KCNN2: variants seen among roughly 807,000 people sequenced by gnomAD.
The protein encoded by KCNN2 is small conductance calcium-activated potassium channel protein 2.
A neutral mutation model predicts 55.5 loss-of-function variants in KCNN2; 24 were observed. The ratio of observed to expected loss-of-function variants is 0.43; its 90% CI spans 0.31 to 0.61. The LOEUF is 0.61. KCNN2 is among the 20% of genes least tolerant of loss of function. KCNN2 has a pLI of 0.08. For synonymous variants in KCNN2, 431 were observed against 336.1 expected, an observed-to-expected ratio of 1.28 and a Z score of -3.09; for missense variants, 754 against 853.6, an observed-to-expected ratio of 0.88 and a Z score of 1.45.
chr5:114,306,407 C>T (rs1756272401), intron 2 of KCNN2, among the ~76,000 whole-genome samples: 1 of 152,196 alleles, frequency 6.6e-6, no homozygotes, highest in African/African-American at 2.4e-5. Context: ...GGTAGTGATA[C>T]TAATCTCTGC....
chr5:114,489,045 A>G (rs919731320), intron 6 of KCNN2: 1 of 152,128 alleles, frequency 6.6e-6, no homozygotes, highest in Non-Finnish European at 1.5e-5. Context: ...TCAAATGGGT[A>G]ATTACATGTG....
At chr5:114,192,169 CA>C (rs1333277194) in intron 1 of KCNN2, among the ~76,000 whole-genome samples, 1 of 152,182 alleles carries the variant, frequency 6.6e-6, no homozygotes, top group Non-Finnish European at 1.5e-5. Flanking sequence ...CCATTTTTGA[CA>C]AATTCTATTA....
At chr5:114,403,119 T>G (rs543564730) in intron 2 of KCNN2, among the ~76,000 whole-genome samples, 1 of 152,304 alleles carries the variant, frequency 6.6e-6, no homozygotes, top group Non-Finnish European at 1.5e-5. Context: ...TGGAAAGTAT[T>G]TATCCTGAGT....
intron 2 of KCNN2, among the ~76,000 whole-genome samples, chr5:114,336,708 T>G (rs1319394737): frequency 6.6e-6 from 1 of 152,198 alleles, no homozygotes; most frequent in African/African-American, 2.4e-5. Flanking sequence ...AACAAATGCC[T>G]CTTTGAGAAT....
chr5:114,212,544 G>C (rs1393731527), intron 1 of KCNN2, among the ~76,000 whole-genome samples: 1 of 151,886 alleles, frequency 6.6e-6, no homozygotes, highest in Non-Finnish European at 1.5e-5. Flanking sequence ...CAATAAAGCT[G>C]TTATAAAAAG....
chr5:114,266,839 C>G (rs1223641631), intron 2 of KCNN2, among the ~76,000 whole-genome samples: 3 of 152,180 alleles, frequency 2.0e-5, no homozygotes, highest in Non-Finnish European at 4.4e-5. Flanking sequence ...CCACCAGCAT[C>G]TCCTTGTAAA....
At chr5:114,298,774 A>G (rs1305839848) in intron 2 of KCNN2, among the ~76,000 whole-genome samples, 1 of 152,186 alleles carries the variant, frequency 6.6e-6, no homozygotes, top group Admixed American at 6.5e-5. Flanking sequence ...TTTATAAACA[A>G]AAATGTAAAC....
intron 5 of KCNN2, among the ~76,000 whole-genome samples, chr5:114,477,381 C>T (rs1762019403): frequency 6.6e-6 from 1 of 152,068 alleles, no homozygotes; most frequent in South Asian, 2.1e-4. Flanking sequence ...AGTTGTTTCT[C>T]TGTATGACTA....
intron 3 of KCNN2, among the ~76,000 whole-genome samples, chr5:114,427,106 A>T (rs1456707442): frequency 6.6e-6 from 1 of 151,988 alleles, no homozygotes; most frequent in Non-Finnish European, 1.5e-5. Context: ...CTGCCACAGC[A>T]CTCACCATGT....
chr5:114,208,583 G>A (rs562616234), intron 1 of KCNN2, among the ~76,000 whole-genome samples: 1 of 152,188 alleles, frequency 6.6e-6, no homozygotes, highest in East Asian at 1.9e-4. Flanking sequence ...GCTTTTATAC[G>A]AAGCTGACAC....
At chr5:114,230,231 A>G (rs973075410) in intron 2 of KCNN2, among the ~76,000 whole-genome samples, 1 of 151,576 alleles carries the variant, frequency 6.6e-6, no homozygotes, top group African/African-American at 2.4e-5. Flanking sequence ...CATTTCTGAG[A>G]TACTGACAAT....
chr5:114,277,758 T>C (rs3112751), intron 2 of KCNN2, among the ~76,000 whole-genome samples: 61,836 of 152,052 alleles, frequency 0.41, 13,569 homozygotes, highest in Non-Finnish European at 0.5. Flanking sequence ...TCAAGGTTTT[T>C]AGCTGCCTTG....
intron 1 of KCNN2, among the ~76,000 whole-genome samples, chr5:114,162,407 C>T (rs1451922328): frequency 6.6e-6 from 1 of 152,194 alleles, no homozygotes; most frequent in Non-Finnish European, 1.5e-5. Context: ...TGTCAGTCCG[C>T]CCCTACTGGG....
intron 1 of KCNN2, among the ~76,000 whole-genome samples, chr5:114,106,885 C>T (rs1472170274): frequency 6.6e-6 from 1 of 151,914 alleles, no homozygotes; most frequent in Admixed American, 6.6e-5. Flanking sequence ...TAATGAGGTC[C>T]AAGTTATCAA....
intron 1 of KCNN2, among the ~76,000 whole-genome samples, chr5:114,194,318 C>A (rs1429961949): frequency 6.6e-6 from 1 of 152,076 alleles, no homozygotes; most frequent in African/African-American, 2.4e-5. Context: ...TTCCCACCAG[C>A]AATGTATAAA....
At chr5:114,286,586 G>T (rs1280284251) in intron 2 of KCNN2, among the ~76,000 whole-genome samples, 1 of 152,146 alleles carries the variant, frequency 6.6e-6, no homozygotes, top group Non-Finnish European at 1.5e-5. Flanking sequence ...CACATTTTAT[G>T]TATATCATAA....
chr5:114,063,756 T>A lies in KCNN2; in HGVS notation c.-271+7256T>A, dbSNP rs1289104105. Among the ~76,000 whole-genome samples, 5 of 152,300 alleles carry A rather than the reference T, an allele frequency of 3.3e-5. No individual in the cohort carries two copies. In the South Asian group the frequency reaches 8.3e-4, roughly 25 times the overall value. ...TGATTTTAGCACTGAAAGTCTTGTG[T>A]CCTAGGAAACCACTCAGTCCCAGAC... On this transcript the variant is annotated intron_variant, in intron 1 of 10. Transcript: ENST00000512097.
chr5:114,059,572 GAAGGATGCA>G (rs1750283806), intron 1 of KCNN2, among the ~76,000 whole-genome samples: 1 of 152,246 alleles, frequency 6.6e-6, no homozygotes, highest in African/African-American at 2.4e-5. Flanking sequence ...ATAGATGACA[GAAGGATGCA>G]TAAACAAAGG....
At chr5:114,094,964 T>C (rs1047523913) in intron 1 of KCNN2, among the ~76,000 whole-genome samples, 14 of 152,148 alleles carry the variant, frequency 9.2e-5, no homozygotes, top group Non-Finnish European at 1.6e-4. Flanking sequence ...TATCAACTGC[T>C]TTATCTTATG....
Sources: allele counts gnomAD v4.1 joint callset (sites outside exome capture counted in the v4.1 genomes callset), GRCh38; gene constraint gnomAD v4.1.1; transcripts MANE v1.5; gene names NCBI Gene and HGNC (gene_info 2026-07-23, HGNC 2026-07-21).